The following CXXC5 variants were observed in gnomAD, a reference collection of about 807,000 sequenced individuals.
CXXC5 encodes the protein CXXC-type zinc finger protein 5.
In CXXC5, 2 loss-of-function variants were observed where a neutral mutation model predicts 17.6. The observed-to-expected ratio is 0.11, with a 90% CI of 0.05 to 0.36. CXXC5 has a LOEUF of 0.36. Ranked by LOEUF, CXXC5 falls within the 10% of genes least tolerant of loss-of-function variation. CXXC5 has a pLI of 1.00. For missense variants in CXXC5, 343 were observed against 458.3 expected (o/e 0.75, Z 2.30); for synonymous variants, 171 against 193.0 (o/e 0.89, Z 0.94).
intron 1 of CXXC5, among the ~76,000 whole-genome samples, chr5:139,674,390 T>C (rs999103145): frequency 6.6e-6 from 1 of 151,582 alleles, no homozygotes; most frequent in African/African-American, 2.4e-5. Context: ...CCCACCAAGG[T>C]GGGGGGGAGG....
rs1388406767 is a variant in CXXC5 at position 139,663,270 on chromosome 5, C to G, written c.-161+14425C>G. ...CTTTCTCTGTCTCCCACCCCCTATGCTCACACAGCAAGGCTATATGTTAGA... is the reference window on the plus strand; with the variant it reads ...CTTTCTCTGTCTCCCACCCCCTATGGTCACACAGCAAGGCTATATGTTAGA... On this transcript the variant is annotated intron_variant, in intron 1 of 2. Transcript: ENST00000302517. The surrounding 1 kb of genome is among the most constrained non-coding windows in gnomAD (Gnocchi z 4.2). Among the ~76,000 whole-genome samples, 2 of 152,192 alleles carry G rather than the reference C, an allele frequency of 1.3e-5. No homozygotes were observed. The highest frequency in any genetic ancestry group is 2.4e-5 in the African/African-American group (1 of 41,444).
chr5:139,664,264 AGGTTCT>A (rs1165022581), intron 1 of CXXC5, among the ~76,000 whole-genome samples: 7 of 152,266 alleles, frequency 4.6e-5, no homozygotes, highest in African/African-American at 1.7e-4. Context: ...TCCTGCAGAC[AGGTTCT>A]GGGAAACTCC....
chr5:139,669,515 C>T (rs1756330064), intron 1 of CXXC5, among the ~76,000 whole-genome samples: 1 of 152,054 alleles, frequency 6.6e-6, no homozygotes, highest in Non-Finnish European at 1.5e-5. Flanking sequence ...CCCACCCTAC[C>T]CCTAGACCCA....
rs144522553 is a variant in CXXC5, at chr5:139,661,866, G to A, written c.-161+13021G>A. On this transcript the variant is annotated intron_variant, in intron 1 of 2. Coordinates refer to ENST00000302517, the MANE Select transcript of CXXC5 (RefSeq NM_016463.9). The surrounding 1 kb of genome is among the most constrained non-coding windows in gnomAD (Gnocchi z 4.7). ...AGCCAACCTGGCTCTGCCCTCTCTG[G>A]GGAGGAGGTCCAAGTATCAGGCATG... 4.6e-5 allele frequency among the ~76,000 whole-genome samples: 7 copies of A among 152,372 alleles called. No homozygotes were observed. In the East Asian group the frequency reaches 1.3e-3, roughly 29 times the overall value.
At chr5:139,652,071 T>C (rs941597662) in intron 1 of CXXC5, among the ~76,000 whole-genome samples, 12 of 151,544 alleles carry the variant, frequency 7.9e-5, no homozygotes, top group Non-Finnish European at 2.9e-5. Flanking sequence ...GGGGCCCTGA[T>C]TGGGGCTTTC....
chr5:139,662,535 T>A (rs1283079730), intron 1 of CXXC5, among the ~76,000 whole-genome samples: 2 of 152,216 alleles, frequency 1.3e-5, no homozygotes, highest in African/African-American at 2.4e-5. Context: ...ACACCCAGAC[T>A]ACCGGTCATT....
intron 1 of CXXC5, among the ~76,000 whole-genome samples, chr5:139,665,398 C>A (rs1288998775): frequency 1.3e-5 from 2 of 152,248 alleles, no homozygotes; most frequent in Admixed American, 6.5e-5. Flanking sequence ...ATGGGTCTCC[C>A]AGAGCCCCCA....
intron 1 of CXXC5, among the ~76,000 whole-genome samples, chr5:139,669,385 C>T (rs985003418): frequency 6.6e-5 from 10 of 152,092 alleles, no homozygotes; most frequent in Non-Finnish European, 1.3e-4. Flanking sequence ...TGCCCAGCCC[C>T]GTGCCCATCA....
intron 1 of CXXC5, among the ~76,000 whole-genome samples, chr5:139,664,327 C>G (rs1445541174): frequency 6.6e-6 from 1 of 152,026 alleles, no homozygotes; most frequent in Non-Finnish European, 1.5e-5. Context: ...CAGGGTTGCG[C>G]ACCTCCTCCA....
At chr5:139,666,032 A>G (rs1275581387) in intron 1 of CXXC5, among the ~76,000 whole-genome samples, 1 of 152,144 alleles carries the variant, frequency 6.6e-6, no homozygotes, top group Non-Finnish European at 1.5e-5. Flanking sequence ...AAACCTCTAA[A>G]CCTATTCTCA....
Position 139,654,840 on chromosome 5 carries a change from C to T in CXXC5, c.-161+5995C>T, listed in dbSNP as rs1755400716. On this transcript the variant is annotated intron_variant, in intron 1 of 2. Coordinates refer to ENST00000302517, the MANE Select transcript of CXXC5 (RefSeq NM_016463.9). ...GGTAGAGCTGGTGAAGACACAGGCT[C>T]AGGGACAAGGGGACTGACCCAGGTG... 5.3e-5 allele frequency among the ~76,000 whole-genome samples: 8 copies of T among 152,270 alleles called. No individual in the cohort carries two copies. In the South Asian group the frequency reaches 1.5e-3, roughly 28 times the overall value.
chr5:139,661,557 T>C lies in CXXC5; in HGVS notation c.-161+12712T>C, dbSNP rs984295601. 6.6e-6 allele frequency among the ~76,000 whole-genome samples: 1 copy of C among 152,166 alleles called. No homozygotes were observed. The highest frequency in any genetic ancestry group is 1.5e-5 in the Non-Finnish European group (1 of 68,028). On this transcript the variant is annotated intron_variant, in intron 1 of 2. Transcript: ENST00000302517. This position sits in a 1 kb window ranked among gnomAD's most constrained non-coding sequence, Gnocchi z 4.7. ...ACCCACTGGCACGTACCTAGGCGAA[T>C]GCACATACACAGGCACACATAGGCG...
chr5:139,664,531 TC>T lies in CXXC5; in HGVS notation c.-161+15687del, dbSNP rs371045256. Among the ~76,000 whole-genome samples, 868 of 152,310 alleles carry T rather than the reference TC, an allele frequency of 5.7e-3. 6 individuals are homozygous for T. The highest frequency in any genetic ancestry group is 0.02 in the African/African-American group (820 of 41,566). On this transcript the variant is annotated intron_variant, in intron 1 of 2. Transcript: ENST00000302517. ...TCAGGGCTCACTAAAGGTCACTTCATCGGGTTGACTTTACTAGAGGCTAGTC... is the reference window on the plus strand; with the variant it reads ...TCAGGGCTCACTAAAGGTCACTTCATGGGTTGACTTTACTAGAGGCTAGTC...
At chr5:139,655,156 AG>A (rs1239130801) in intron 1 of CXXC5, among the ~76,000 whole-genome samples, 1 of 152,072 alleles carries the variant, frequency 6.6e-6, no homozygotes, top group Non-Finnish European at 1.5e-5. Flanking sequence ...GGAACTGCAG[AG>A]GTCTCCCTGC....
At position 139,661,602 on chromosome 5, in the gene CXXC5, C is replaced by T. The variant is rs1484067776; in HGVS notation, c.-161+12757C>T. Among the ~76,000 whole-genome samples the T allele has an allele frequency of 1.3e-5, 2 of 152,222 alleles. No homozygotes were observed. The highest frequency in any genetic ancestry group is 6.5e-5 in the Admixed American group (1 of 15,286). On this transcript the variant is annotated intron_variant, in intron 1 of 2. Transcript: ENST00000302517. This position sits in a 1 kb window ranked among gnomAD's most constrained non-coding sequence, Gnocchi z 4.7. The stretch of plus-strand genomic sequence containing the variant: ...TAGGCGTGCACACATAGGCCACTCT[C>T]ACCCCATTGGCCCCACACACTGGGG...
At chr5:139,681,503 ACC>A in intron 2 of CXXC5, 56 bp downstream of exon 2, 1 of 1,512,244 alleles carries the variant, frequency 6.6e-7, no homozygotes, top group Non-Finnish European at 8.9e-7. Context: ...GGCAGTCCAA[ACC>A]CACCCCCATC....
At chr5:139,654,170 C>A (rs1683789320) in intron 1 of CXXC5, among the ~76,000 whole-genome samples, 1 of 151,548 alleles carries the variant, frequency 6.6e-6, no homozygotes, top group Non-Finnish European at 1.5e-5. Context: ...CCCAACCCCC[C>A]ACGGCAGTTG....
At chr5:139,662,860 C>T (rs959493403) in intron 1 of CXXC5, among the ~76,000 whole-genome samples, 1 of 152,178 alleles carries the variant, frequency 6.6e-6, no homozygotes, top group African/African-American at 2.4e-5. Flanking sequence ...CCTGTGAGAT[C>T]GGTATGACTC....
At chr5:139,680,266 G>A in intron 1 of CXXC5, 98 bp from the exon 2 acceptor site, 1 of 555,534 alleles carries the variant, frequency 1.8e-6, no homozygotes, top group South Asian at 2.3e-5. Flanking sequence ...TCAAGCACAT[G>A]GTGGTCAGGA....
Sources: allele counts gnomAD v4.1 joint callset (sites outside exome capture counted in the v4.1 genomes callset), GRCh38; gene constraint gnomAD v4.1.1; non-coding constraint Gnocchi (gnomAD v3.1); transcripts MANE v1.5; gene names NCBI Gene and HGNC (gene_info 2026-07-23, HGNC 2026-07-21).